Variants in HEATR4 observed in about 807,000 individuals in gnomAD.
HEATR4 encodes the protein HEAT repeat-containing protein 4.
HEATR4 carries 95 observed loss-of-function variants against 108.8 expected under a neutral mutation model. The observed-to-expected ratio is 0.87, with a 90% CI of 0.74 to 1.04. The LOEUF is 1.04. HEATR4 is among the 50% of genes least tolerant of loss of function. HEATR4 has a pLI of 0.00. For synonymous variants in HEATR4, 443 were observed against 459.4 expected (o/e 0.96, Z 0.46); for missense variants, 1,152 against 1,253.8 (o/e 0.92, Z 1.23).
intron 7 of HEATR4, among the ~76,000 whole-genome samples, chr14:73,509,852 A>T (rs868657734): frequency 2.5e-4 from 15 of 60,044 alleles, no homozygotes; most frequent in African/African-American, 9.1e-4. Flanking sequence ...ATATATATAT[A>T]TATATATATA....
chr14:73,519,192 C>T, intron 4 of HEATR4, 29 bp from the exon 5 acceptor site: 1 of 1,588,414 alleles, frequency 6.3e-7, no homozygotes, highest in Non-Finnish European at 8.6e-7. Context: ...ACAATGAGTC[C>T]CCTATAACCT....
At chr14:73,489,804 T>A (rs1044193816) in intron 17 of HEATR4, among the ~76,000 whole-genome samples, 5 of 152,164 alleles carry the variant, frequency 3.3e-5, no homozygotes, top group African/African-American at 4.8e-5. Context: ...GTAGAGAAAT[T>A]CTTAACTTAT....
intron 17 of HEATR4, chr14:73,491,098 G>A: frequency 6.2e-7 from 1 of 1,601,856 alleles, no homozygotes; most frequent in South Asian, 1.1e-5. Flanking sequence ...CACACAGCGG[G>A]TCGGTCCTGG....
the HEATR4 span, among the ~76,000 whole-genome samples, chr14:73,624,300 T>TC: frequency 1.3e-5 from 2 of 151,858 alleles, no homozygotes; most frequent in Admixed American, 1.3e-4. Context: ...TCTTTTTGTA[T>TC]TTTTTTTAAG....
the HEATR4 span, chr14:73,573,446 G>C: frequency 6.2e-7 from 1 of 1,613,662 alleles, no homozygotes; most frequent in Non-Finnish European, 8.5e-7. Flanking sequence ...GCCTGCTGGA[G>C]TATCGGGCTA....
chr14:73,597,591 C>CTTT, the HEATR4 span, among the ~76,000 whole-genome samples: 162 of 98,190 alleles, frequency 1.6e-3, 2 homozygotes, highest in Non-Finnish European at 2.5e-3. Flanking sequence ...TTTTTCTTTT[C>CTTT]TTTTTTTTTT....
At chr14:73,526,051 G>A (rs1257870942) in intron 2 of HEATR4, among the ~76,000 whole-genome samples, 1 of 151,940 alleles carries the variant, frequency 6.6e-6, no homozygotes, top group Non-Finnish European at 1.5e-5. Context: ...CACTGAAGAG[G>A]GTGGGAAAGA....
the HEATR4 span, among the ~76,000 whole-genome samples, chr14:73,605,759 CAG>C: frequency 6.6e-6 from 1 of 151,660 alleles, no homozygotes; most frequent in Non-Finnish European, 1.5e-5. Context: ...TTAGTAGAGA[CAG>C]GGTTTCACCA....
At chr14:73,517,665 C>G (rs1006089588) in intron 5 of HEATR4, among the ~76,000 whole-genome samples, 1 of 59,366 alleles carries the variant, frequency 1.7e-5, no homozygotes, top group Admixed American at 2.4e-4. Context: ...GAGACCCTGT[C>G]AAAAAAAAAA....
At chr14:73,514,557 A>G (rs535428162) in intron 5 of HEATR4, among the ~76,000 whole-genome samples, 8 of 152,344 alleles carry the variant, frequency 5.3e-5, no homozygotes, top group Middle Eastern at 3.4e-3. Context: ...ATATGTTTAT[A>G]TGTAACGAGA....
intron 5 of HEATR4, among the ~76,000 whole-genome samples, chr14:73,515,235 C>G (rs1321921869): frequency 1.3e-5 from 2 of 152,080 alleles, no homozygotes; most frequent in African/African-American, 4.8e-5. Flanking sequence ...ATTCACACTG[C>G]CTATTAGTCT....
Position 73,491,803 on chromosome 14 carries a change from G to A in HEATR4, c.2844+1263C>T, listed in dbSNP as rs1885769890. The A allele has an allele frequency of 4.4e-6, 7 of 1,597,514 alleles. No individual in the cohort carries two copies. The East Asian group carries it at 1.4e-4, about 31-fold the overall frequency. ...AGGAGGTGCAGTTCGGCCAGCATTT[G>A]GACGCCGCTCGCTACATCAACGGAC... On this transcript the variant is annotated intron_variant, in intron 17 of 17. Coordinates refer to ENST00000553558, the MANE Select transcript of HEATR4 (RefSeq NM_001220484.1).
chr14:73,511,967 G>T, intron 7 of HEATR4, 39 bp downstream of exon 7: 1 of 1,612,592 alleles, frequency 6.2e-7, no homozygotes, highest in Non-Finnish European at 8.5e-7. Context: ...GGCTTTATGA[G>T]TTGCTTATGT....
chr14:73,501,994 C>T (rs1886498134), intron 11 of HEATR4, among the ~76,000 whole-genome samples: 3 of 151,928 alleles, frequency 2.0e-5, no homozygotes, highest in South Asian at 4.2e-4. Flanking sequence ...ATCCACCCGC[C>T]TCGGCCTCCC....
chr14:73,626,788 C>A, the HEATR4 span, among the ~76,000 whole-genome samples: 1 of 117,772 alleles, frequency 8.5e-6, no homozygotes, highest in Admixed American at 8.0e-5. Context: ...AGACAAACAG[C>A]CTTTTTTTTT....
chr14:73,563,621 T>C (rs1430523348), upstream of HEATR4, among the ~76,000 whole-genome samples: 1 of 151,794 alleles, frequency 6.6e-6, no homozygotes, highest in East Asian at 1.9e-4. Flanking sequence ...TGGTGATAGT[T>C]GTACAACAAT....
chr14:73,612,728 C>G, the HEATR4 span: 1 of 1,369,982 alleles, frequency 7.3e-7, no homozygotes, highest in Non-Finnish European at 9.4e-7. Context: ...CGCGCGCTAC[C>G]GTGCCGACGC....
the HEATR4 span, among the ~76,000 whole-genome samples, chr14:73,593,426 C>T: frequency 7.0e-6 from 1 of 143,460 alleles, no homozygotes; most frequent in African/African-American, 2.6e-5. Flanking sequence ...GCAGCCTTGA[C>T]CTCTGGGGCT....
At chr14:73,562,141 T>A (rs1889538670), upstream of HEATR4, among the ~76,000 whole-genome samples, 1 of 152,124 alleles carries the variant, frequency 6.6e-6, no homozygotes, top group Admixed American at 6.6e-5. Flanking sequence ...GGAATAGTGG[T>A]TGCCAGGGGC....
Sources: allele counts gnomAD v4.1 joint callset (sites outside exome capture counted in the v4.1 genomes callset), GRCh38; gene constraint gnomAD v4.1.1; transcripts MANE v1.5; gene names NCBI Gene and HGNC (gene_info 2026-07-23, HGNC 2026-07-21).